RANBP2: variants seen among roughly 807,000 people sequenced by gnomAD.
RANBP2 encodes RAN binding protein 2.
In RANBP2, 57 loss-of-function variants were observed where a neutral mutation model predicts 303.6. The ratio of observed to expected loss-of-function variants is 0.19; its 90% confidence interval spans 0.15 to 0.23. RANBP2 has a LOEUF of 0.23. Among genes scored for constraint, RANBP2 ranks in the 10% least tolerant of loss-of-function variants. RANBP2 has a pLI of 1.00. For missense variants in RANBP2, 3,138 were observed against 3,780.8 expected, an observed-to-expected ratio of 0.83 and a Z score of 4.46; for synonymous variants, 1,167 against 1,301.5, an observed-to-expected ratio of 0.90 and a Z score of 2.23.
the RANBP2 span, among the ~76,000 whole-genome samples, chr2:109,362,230 T>A: frequency 4.6e-5 from 7 of 152,218 alleles, no homozygotes; most frequent in Admixed American, 1.3e-4. Flanking sequence ...GTGCTACTTT[T>A]GCGGCATCTC....
the RANBP2 span, among the ~76,000 whole-genome samples, chr2:109,139,157 G>T: frequency 6.6e-6 from 1 of 152,156 alleles, no homozygotes; most frequent in African/African-American, 2.4e-5. Context: ...CCAAATCTGC[G>T]TAACTTAAAA....
chr2:109,464,581 A>G, the RANBP2 span, among the ~76,000 whole-genome samples: 1 of 152,316 alleles, frequency 6.6e-6, no homozygotes, highest in African/African-American at 2.4e-5. Flanking sequence ...CTGCTCCCTC[A>G]CAATCGATTT....
the RANBP2 span, among the ~76,000 whole-genome samples, chr2:108,829,922 A>G: frequency 2.0e-5 from 3 of 152,204 alleles, no homozygotes; most frequent in African/African-American, 4.8e-5. Flanking sequence ...ACTTCTGGAT[A>G]TATATTCAAA....
the RANBP2 span, among the ~76,000 whole-genome samples, chr2:109,608,259 C>A: frequency 6.6e-6 from 1 of 152,186 alleles, no homozygotes; most frequent in Non-Finnish European, 1.5e-5. Flanking sequence ...CCATGAGAGA[C>A]TGGGATACAG....
the RANBP2 span, among the ~76,000 whole-genome samples, chr2:109,530,702 T>A: frequency 1.3e-5 from 2 of 152,200 alleles, no homozygotes; most frequent in Admixed American, 6.5e-5. Flanking sequence ...TCTAATATCT[T>A]ACACACTGAA....
chr2:108,782,924 A>G, intron 28 of RANBP2, 62 bp downstream of exon 28: 2 of 1,429,118 alleles, frequency 1.4e-6, no homozygotes, highest in Non-Finnish European at 2.0e-6. Flanking sequence ...ACTAATGGGA[A>G]ATTTGAGTGT....
chr2:109,644,145 A>T, the RANBP2 span, among the ~76,000 whole-genome samples: 1 of 149,874 alleles, frequency 6.7e-6, no homozygotes, highest in African/African-American at 2.5e-5. Context: ...AAAAACAAAA[A>T]AAAACTAAAA....
At chr2:108,939,087 C>G in the RANBP2 span, among the ~76,000 whole-genome samples, 1 of 151,990 alleles carries the variant, frequency 6.6e-6, no homozygotes, top group East Asian at 1.9e-4. Flanking sequence ...CACTCTAGGA[C>G]TCTTATATAA....
At chr2:109,471,206 CAAAAAAAAAAAAAAAA>C in the RANBP2 span, among the ~76,000 whole-genome samples, 80 of 40,168 alleles carry the variant, frequency 2.0e-3, no homozygotes, top group South Asian at 7.4e-3. Flanking sequence ...GACTCTGTCT[CAAAAAAAAAAAAAAAA>C]AAAAAAAAAG....
the RANBP2 span, among the ~76,000 whole-genome samples, chr2:109,494,275 T>C: frequency 8.1e-5 from 12 of 148,798 alleles, no homozygotes; most frequent in Admixed American, 8.2e-4. Flanking sequence ...TCAGGGGTCA[T>C]TGTACCCAGA....
chr2:109,098,117 G>C, the RANBP2 span, among the ~76,000 whole-genome samples: 1 of 152,182 alleles, frequency 6.6e-6, no homozygotes, highest in African/African-American at 2.4e-5. Context: ...TATCACAGTT[G>C]TGTGAGCACC....
At chr2:108,739,284 T>A (rs1173997550) in intron 6 of RANBP2, among the ~76,000 whole-genome samples, 1 of 152,036 alleles carries the variant, frequency 6.6e-6, no homozygotes, top group Non-Finnish European at 1.5e-5. Context: ...GCACTTACAG[T>A]CCCAGCTGCT....
rs770119175 is a variant in RANBP2 at position 108,764,847 on chromosome 2, T to C, written c.4308T>C (p.Ile1436=). 10 of 1,613,940 alleles carry C rather than the reference T, an allele frequency of 6.2e-6. No individual in the cohort carries two copies. The African/African-American group carries it at 1.3e-4, about 22-fold the overall frequency. ...VRNEPTVSRC[I]ACQNTKSANK... is the part of the protein sequence containing the mutation. ...ATGAACCTACTGTATCTAGGTGCAT[T>C]GCGTGTCAGAATACAAAATCTGCTA... Residue 1436 remains isoleucine (I), a synonymous_variant, in exon 20 of 29, where the codon ATT becomes ATC. Coordinates refer to ENST00000283195, the MANE Select transcript of RANBP2 (RefSeq NM_006267.5).
chr2:109,548,605 G>A, the RANBP2 span, among the ~76,000 whole-genome samples: 2 of 151,804 alleles, frequency 1.3e-5, no homozygotes, highest in South Asian at 2.1e-4. Flanking sequence ...GGGAAACCCC[G>A]TCTCTACTAA....
chr2:109,007,153 G>A, the RANBP2 span, among the ~76,000 whole-genome samples: 2 of 152,216 alleles, frequency 1.3e-5, no homozygotes, highest in South Asian at 4.1e-4. Flanking sequence ...AGAAGGAACC[G>A]CAGAGACTCA....
chr2:109,144,693 T>A, the RANBP2 span, among the ~76,000 whole-genome samples: 1 of 152,214 alleles, frequency 6.6e-6, no homozygotes, highest in East Asian at 1.9e-4. Flanking sequence ...CTGCACTGGG[T>A]CCAGGTTGGG....
chr2:109,596,080 A>G, the RANBP2 span, among the ~76,000 whole-genome samples: 14 of 152,276 alleles, frequency 9.2e-5, no homozygotes, highest in African/African-American at 3.4e-4. Flanking sequence ...TGCTTAAGCT[A>G]GAGTGCAGTG....
chr2:109,004,251 C>CA, the RANBP2 span, among the ~76,000 whole-genome samples: 1 of 152,204 alleles, frequency 6.6e-6, no homozygotes. Context: ...GGCCCACCCT[C>CA]ACGTGCTGTG....
Position 108,764,288 on chromosome 2 carries a change from C to T in RANBP2, c.3749C>T (p.Pro1250Leu). 2 of 1,613,776 alleles carry T rather than the reference C, an allele frequency of 1.2e-6. No individual in the cohort carries two copies. The highest frequency in any genetic ancestry group is 8.5e-7 in the Non-Finnish European group (1 of 1,179,968). The change falls in exon 20 of 29, where the codon CCA (proline) becomes CTA (leucine). Residue 1250 changes from proline (P) to leucine (L), a missense_variant. Physicochemically the swap from Pro to Leu is moderately conservative, Grantham distance 98. Around this residue, in one of 20 missense-constraint regions of RANBP2, gnomAD observed 72 missense variants for 119.5 expected, o/e 0.60. Transcript: ENST00000283195. ...LKICANHYISPDMKLTPNAGS... is the reference protein window; with the variant it reads ...LKICANHYISLDMKLTPNAGS... ...ATCTGTGCAAATCATTACATCAGTC[C>T]AGATATGAAATTGACACCAAATGCT...
Sources: allele counts gnomAD v4.1 joint callset (sites outside exome capture counted in the v4.1 genomes callset), GRCh38; gene constraint gnomAD v4.1.1; regional missense constraint gnomAD v4.1.1; transcripts MANE v1.5; gene names NCBI Gene and HGNC (gene_info 2026-07-23, HGNC 2026-07-21).